Variants in NDUFAF2 observed in about 807,000 individuals in gnomAD.
NDUFAF2 encodes NADH dehydrogenase [ubiquinone] 1 alpha subcomplex assembly factor 2.
In NDUFAF2, 13 loss-of-function variants were observed where a neutral mutation model predicts 22.8. The observed-to-expected ratio is 0.57, with a 90% CI of 0.37 to 0.91. The LOEUF (loss-of-function observed/expected upper bound fraction) is 0.91. NDUFAF2 is among the 40% of genes least tolerant of loss of function. The pLI is 0.01. For synonymous variants in NDUFAF2, 53 were observed against 64.2 expected (o/e 0.83, Z 0.84); for missense variants, 162 against 195.2 (o/e 0.83, Z 1.01).
intron 1 of NDUFAF2, among the ~76,000 whole-genome samples, chr5:61,036,262 T>A (rs1751799205): frequency 6.6e-6 from 1 of 152,226 alleles, no homozygotes; most frequent in Admixed American, 6.5e-5. Context: ...GCTTCTATCA[T>A]AGACTGTTAA....
At chr5:61,041,374 A>C (rs1450619071) in intron 1 of NDUFAF2, among the ~76,000 whole-genome samples, 1 of 152,156 alleles carries the variant, frequency 6.6e-6, no homozygotes, top group Non-Finnish European at 1.5e-5. Context: ...CAATAGAGGT[A>C]CTAATGACTA....
chr5:61,069,476 A>T (rs1280350648), intron 1 of NDUFAF2, among the ~76,000 whole-genome samples: 1 of 152,228 alleles, frequency 6.6e-6, no homozygotes, highest in Non-Finnish European at 1.5e-5. Flanking sequence ...AAACACAACT[A>T]GCACATTAAG....
chr5:61,052,541 A>G (rs967563434), intron 1 of NDUFAF2, among the ~76,000 whole-genome samples: 2 of 152,010 alleles, frequency 1.3e-5, no homozygotes, highest in African/African-American at 4.8e-5. Context: ...CGATCTCCTG[A>G]CCTCGTGATC....
chr5:61,079,779 A>G (rs188746743), intron 2 of NDUFAF2, among the ~76,000 whole-genome samples: 25 of 152,258 alleles, frequency 1.6e-4, no homozygotes, highest in Admixed American at 3.3e-4. Context: ...CTGTCACCCA[A>G]CTGGTACTCT....
intron 1 of NDUFAF2, among the ~76,000 whole-genome samples, chr5:60,988,419 G>GA (rs1165395325): frequency 2.6e-5 from 4 of 152,056 alleles, no homozygotes; most frequent in Non-Finnish European, 4.4e-5. Flanking sequence ...CACAGAACTA[G>GA]AAAAAAACTT....
At chr5:60,982,340 G>C (rs1370313141) in intron 1 of NDUFAF2, among the ~76,000 whole-genome samples, 1 of 152,004 alleles carries the variant, frequency 6.6e-6, no homozygotes, top group African/African-American at 2.4e-5. Flanking sequence ...TTACATGGAT[G>C]GCAGCAGGCA....
intron 1 of NDUFAF2, among the ~76,000 whole-genome samples, chr5:60,960,552 T>C (rs1352391976): frequency 6.6e-6 from 1 of 152,218 alleles, no homozygotes; most frequent in East Asian, 1.9e-4. Flanking sequence ...GAAGACTTTG[T>C]AAGTGTGACT....
intron 1 of NDUFAF2, among the ~76,000 whole-genome samples, chr5:60,972,770 T>C (rs1750851618): frequency 7.2e-6 from 1 of 138,158 alleles, no homozygotes; most frequent in Non-Finnish European, 1.6e-5. Context: ...ATATGTGTAT[T>C]CTGTTTTTTT....
chr5:61,110,299 TTGTC>T (rs1002822972), intron 3 of NDUFAF2, among the ~76,000 whole-genome samples: 10 of 151,990 alleles, frequency 6.6e-5, no homozygotes, highest in African/African-American at 2.4e-4. Flanking sequence ...AAATGTATCT[TTGTC>T]TGCTTTTGAT....
intron 1 of NDUFAF2, among the ~76,000 whole-genome samples, chr5:61,047,928 T>TCC (rs1751973407): frequency 6.6e-6 from 1 of 152,150 alleles, no homozygotes; most frequent in Admixed American, 6.6e-5. Context: ...GATTTTATAG[T>TCC]CCTTACTTCA....
At chr5:61,004,074 G>T (rs977449276) in intron 1 of NDUFAF2, among the ~76,000 whole-genome samples, 1 of 151,774 alleles carries the variant, frequency 6.6e-6, no homozygotes. Flanking sequence ...CTGCTTACTT[G>T]CCTATCCTGT....
intron 1 of NDUFAF2, among the ~76,000 whole-genome samples, chr5:60,990,853 C>G (rs1269862724): frequency 5.9e-5 from 9 of 151,828 alleles, no homozygotes; most frequent in Non-Finnish European, 1.3e-4. Context: ...TTATTTCCTC[C>G]CAGATATGGA....
At chr5:61,111,362 T>C (rs1482399107) in intron 3 of NDUFAF2, among the ~76,000 whole-genome samples, 5 of 152,168 alleles carry the variant, frequency 3.3e-5, no homozygotes, top group African/African-American at 1.2e-4. Flanking sequence ...GTCCAGTGTT[T>C]CTTTGTTGAT....
intron 1 of NDUFAF2, among the ~76,000 whole-genome samples, chr5:60,977,163 C>T (rs7723901): frequency 0.42 from 63,669 of 151,764 alleles, 13,986 homozygotes; most frequent in East Asian, 0.8. Context: ...TGTGGTGGCT[C>T]ACAGCTATAA....
At chr5:61,124,867 A>C (rs1450333906) in intron 3 of NDUFAF2, among the ~76,000 whole-genome samples, 7 of 152,144 alleles carry the variant, frequency 4.6e-5, no homozygotes, top group African/African-American at 1.7e-4. Context: ...AAAGAGGTTT[A>C]ATGGACGCAC....
chr5:61,026,359 A>G (rs924031922), intron 1 of NDUFAF2, among the ~76,000 whole-genome samples: 1 of 152,140 alleles, frequency 6.6e-6, no homozygotes, highest in African/African-American at 2.4e-5. Context: ...AGAAAAATAT[A>G]GACAGCCAGA....
chr5:61,038,573 A>G (rs1033051220), intron 1 of NDUFAF2, among the ~76,000 whole-genome samples: 1 of 152,166 alleles, frequency 6.6e-6, no homozygotes, highest in African/African-American at 2.4e-5. Context: ...ATTAGGAGTG[A>G]TAATCTAAAA....
At chr5:61,066,886 T>C (rs114446764) in intron 1 of NDUFAF2, among the ~76,000 whole-genome samples, 127 of 152,202 alleles carry the variant, frequency 8.3e-4, no homozygotes, top group African/African-American at 2.9e-3. Context: ...AGAGGACTGA[T>C]TGTATACAGA....
chr5:61,044,702 A>G (rs1751924745), intron 1 of NDUFAF2, among the ~76,000 whole-genome samples: 1 of 152,080 alleles, frequency 6.6e-6, no homozygotes, highest in South Asian at 2.1e-4. Flanking sequence ...TTTTATGCCA[A>G]TACCATGCTG....
Sources: gnomAD v4.1 joint callset for allele counts (sites outside exome capture counted in the v4.1 genomes callset) on GRCh38, gnomAD v4.1.1 for gene constraint, MANE v1.5 for transcripts, NCBI Gene and HGNC (gene_info 2026-07-23, HGNC 2026-07-21) for gene names.